The following AKNA variants were observed in gnomAD, a reference collection of about 807,000 sequenced individuals.
AKNA encodes the protein AT-hook transcription factor.
Under a neutral mutation model 138.8 loss-of-function variants are expected in AKNA, and 67 were observed. The ratio of observed to expected loss-of-function variants is 0.48; its 90% CI spans 0.40 to 0.59. The LOEUF is 0.59. AKNA is among the 20% of genes least tolerant of loss of function. The probability of loss-of-function intolerance (pLI) is 0.00; values close to 1 mark genes in which losing one functional copy is unlikely to be tolerated. For synonymous variants in AKNA, 737 were observed against 754.4 expected (o/e 0.98, Z 0.38); for missense variants, 1,813 against 1,880.4 (o/e 0.96, Z 0.66).
At chr9:114,330,524 T>A, downstream of AKNA, 1 of 1,612,166 alleles carries the variant, frequency 6.2e-7, no homozygotes, top group Non-Finnish European at 8.5e-7. Context: ...CTTCTTTTAC[T>A]TTACCCCCAA....
chr9:114,337,013 G>GGGGGGGGGGGGGGGCC lies in AKNA; in HGVS notation c.*40_*41insGGCCCCCCCCCCCCCC. On this transcript the variant is annotated 3_prime_UTR_variant, in exon 22 of 22. Transcript: ENST00000374088. ...CCACTCCTGGCCTGGCAGGCCACCT[G>GGGGGGGGGGGGGGGCC]CCCACCCACCCACCCATCTGCCTCT... 1.1e-5 allele frequency: 13 copies of GGGGGGGGGGGGGGGCC among 1,185,370 alleles called. No individual in the cohort carries two copies. The highest frequency in any genetic ancestry group is 4.9e-5 in the South Asian group (2 of 40,612). 73.4% of individuals were successfully genotyped at this position (1,185,370 alleles called of 1,614,324 possible). A position where few individuals can be genotyped will look rare whatever the true frequency, so the allele number is the denominator to read the frequency against.
chr9:114,368,394 C>A, intron 5 of AKNA, 45 bp downstream of exon 5: 1 of 1,310,108 alleles, frequency 7.6e-7, no homozygotes, highest in East Asian at 2.8e-5. Context: ...GAGCAGAATC[C>A]CAGGCAGAAG....
In AKNA at chr9:114,364,680, C is replaced by A. The variant is rs1343636019; in HGVS notation, c.1729-61G>T. On this transcript the variant is annotated intron_variant, in intron 6 of 21. Coordinates refer to ENST00000374088, the MANE Select transcript of AKNA (RefSeq NM_001317950.2). ...AATCCAGTCCTGTAGACTCCCACAC[C>A]CAGCCACATCTATGCCTTGGTAAGA... The A allele has an allele frequency of 3.2e-6, 5 of 1,541,780 alleles. No homozygotes were observed. The African/African-American group carries it at 6.8e-5, about 21-fold the overall frequency.
At chr9:114,375,391 G>C (rs1833096385) in intron 3 of AKNA, among the ~76,000 whole-genome samples, 1 of 152,136 alleles carries the variant, frequency 6.6e-6, no homozygotes, top group Admixed American at 6.5e-5. Flanking sequence ...AAAGACAAAG[G>C]GAGAGGACAG....
intron 11 of AKNA, among the ~76,000 whole-genome samples, chr9:114,358,881 G>A (rs1466549460): frequency 2.6e-5 from 4 of 151,654 alleles, no homozygotes; most frequent in Admixed American, 6.6e-5. Flanking sequence ...GTTAAATGAC[G>A]AGTTAATGGG....
chr9:114,353,166 CAT>C (rs1831250555), intron 14 of AKNA, among the ~76,000 whole-genome samples: 1 of 151,724 alleles, frequency 6.6e-6, no homozygotes, highest in Non-Finnish European at 1.5e-5. Flanking sequence ...AACTGAATCA[CAT>C]ATAGATTTCA....
chr9:114,358,192 C>T (rs1404921973), intron 11 of AKNA, 25 bp from the exon 12 acceptor site: 2 of 1,612,896 alleles, frequency 1.2e-6, no homozygotes, highest in African/African-American at 2.7e-5. Flanking sequence ...GAAGACCATC[C>T]TTGAGTTCTG....
In AKNA at chr9:114,382,859, T is replaced by C. The variant is rs960490653; in HGVS notation, c.-113-1413A>G. On this transcript the variant is annotated intron_variant, in intron 1 of 21. Transcript: ENST00000374088. ...GCGGGCACTAAATGCTTGCTGGGTA[T>C]GGGATTTCCTTCTGAAGTGATGAAA... Among the ~76,000 whole-genome samples, 3 of 152,022 alleles carry C rather than the reference T, an allele frequency of 2.0e-5. No homozygotes were observed. The South Asian group carries it at 6.2e-4, about 32-fold the overall frequency.
At chr9:114,342,218 C>T (rs1271421477) in intron 19 of AKNA, 93 bp from the exon 20 acceptor site, 1 of 915,760 alleles carries the variant, frequency 1.1e-6, no homozygotes, top group East Asian at 2.8e-5. Context: ...CTGAGCTCTC[C>T]TCGGGACCCA....
intron 1 of AKNA, among the ~76,000 whole-genome samples, chr9:114,393,074 A>G (rs1834408510): frequency 6.6e-6 from 1 of 152,254 alleles, no homozygotes; most frequent in Admixed American, 6.5e-5. Context: ...CAAATACCTT[A>G]TAAAAGCCTT....
At chr9:114,370,289 G>T (rs1200647002) in intron 4 of AKNA, among the ~76,000 whole-genome samples, 2 of 152,188 alleles carry the variant, frequency 1.3e-5, no homozygotes, top group East Asian at 3.9e-4. Flanking sequence ...CCCCTGTGGG[G>T]GCCTTTCCTA....
At chr9:114,330,894 C>T, downstream of AKNA, 1 of 1,590,288 alleles carries the variant, frequency 6.3e-7, no homozygotes, top group Non-Finnish European at 8.6e-7. Flanking sequence ...GGAGGGTTCA[C>T]CGTGGGAACA....
downstream of AKNA, chr9:114,331,454 G>A (rs1829849627): frequency 2.5e-6 from 2 of 815,452 alleles, no homozygotes; most frequent in African/African-American, 1.7e-5. Flanking sequence ...AGGAGACCCG[G>A]GCCTTCACTG....
intron 13 of AKNA, 56 bp from the exon 14 acceptor site, chr9:114,356,192 G>A (rs1831492796): frequency 6.5e-7 from 1 of 1,536,702 alleles, no homozygotes; most frequent in Non-Finnish European, 8.8e-7. Context: ...AGACACTCAG[G>A]CGGCAGCATC....
At chr9:114,369,714 C>A (rs966614258) in intron 4 of AKNA, among the ~76,000 whole-genome samples, 2 of 151,952 alleles carry the variant, frequency 1.3e-5, no homozygotes, top group African/African-American at 4.8e-5. Flanking sequence ...TCAGCATCAT[C>A]ACCACCACTG....
At chr9:114,374,200 G>C in intron 3 of AKNA, 33 bp from the exon 4 acceptor site, 4 of 1,545,812 alleles carry the variant, frequency 2.6e-6, no homozygotes, top group Non-Finnish European at 3.5e-6. Flanking sequence ...GGTCACATGC[G>C]CAGGCACACA....
At chr9:114,367,398 T>G in intron 6 of AKNA, 145 bp downstream of exon 6, 2 of 990,256 alleles carry the variant, frequency 2.0e-6, no homozygotes, top group Non-Finnish European at 1.5e-6. Context: ...GGGGCTCATG[T>G]TTTGGGGATG....
At position 114,351,083 on chromosome 9, in the gene AKNA, T is replaced by C. The variant is rs368683657; in HGVS notation, c.3059-62A>G. ...GCAGAGAGAACTTCCAAGCTCACAC[T>C]TGTGCAGGTGGAATGATGGGGGAAG... On this transcript the variant is annotated intron_variant, in intron 14 of 21. Coordinates refer to ENST00000374088, the MANE Select transcript of AKNA (RefSeq NM_001317950.2). 1.3e-3 allele frequency: 1,997 copies of C among 1,529,360 alleles called. 28 individuals carry two copies. Among genetic ancestry groups the C allele is most frequent in the Middle Eastern group, 5.0e-3 (27 of 5,378 alleles). 94.7% of individuals were successfully genotyped at this position (1,529,360 alleles called of 1,614,324 possible).
rs58915720 is a variant in AKNA at position 114,371,517 on chromosome 9, G to T, written c.1416+2576C>A. On this transcript the variant is annotated intron_variant, in intron 4 of 21. Coordinates refer to ENST00000374088, the MANE Select transcript of AKNA (RefSeq NM_001317950.2). The stretch of plus-strand genomic sequence containing the variant: ...CAGGGCTTACCCAGGCATGAGGAAA[G>T]AAACACCTGTTCTGGAATCAGGGAG... Among the ~76,000 whole-genome samples, 12 of 152,366 alleles carry T rather than the reference G, an allele frequency of 7.9e-5. No individual in the cohort carries two copies. In the East Asian group the frequency reaches 1.3e-3, roughly 17 times the overall value.
Sources: gnomAD v4.1 joint callset for allele counts (sites outside exome capture counted in the v4.1 genomes callset) on GRCh38, gnomAD v4.1.1 for gene constraint, MANE v1.5 for transcripts, NCBI Gene and HGNC (gene_info 2026-07-23, HGNC 2026-07-21) for gene names.